Variants in PHEX observed in about 807,000 individuals in gnomAD.
The protein encoded by PHEX is phosphate-regulating neutral endopeptidase PHEX.
PHEX carries 16 observed loss-of-function variants against 68.0 expected under a neutral mutation model. The ratio of observed to expected loss-of-function variants is 0.24; its 90% CI spans 0.16 to 0.36. The LOEUF is 0.36. PHEX is among the 10% of genes least tolerant of loss of function. PHEX has a pLI of 1.00. For synonymous variants in PHEX, 208 were observed against 205.1 expected (o/e 1.01, Z -0.12); for missense variants, 480 against 575.5 (o/e 0.83, Z 1.70).
At chrX:22,098,090 T>A (rs1381836673) in intron 8 of PHEX, 1 of 99,868 alleles carries the variant, frequency 1.0e-5, no homozygotes, top group African/African-American at 5.1e-5. Flanking sequence ...TATTTCCTCT[T>A]GTGTTTTTTT....
chrX:22,092,223 T>C (rs1299801700), intron 6 of PHEX, among the ~76,000 whole-genome samples: 1 of 111,732 alleles, frequency 8.9e-6, no homozygotes, highest in Non-Finnish European at 1.9e-5. Flanking sequence ...GTCTTTAATG[T>C]TACAGTTCAT....
At chrX:22,068,428 T>A (rs1028910804) in intron 3 of PHEX, among the ~76,000 whole-genome samples, 1 of 112,045 alleles carries the variant, frequency 8.9e-6, no homozygotes, top group Non-Finnish European at 1.9e-5. Flanking sequence ...GAGAGATCTG[T>A]CAGGGAATTC....
chrX:22,032,934 C>T lies in PHEX; in HGVS notation c.-72C>T, dbSNP rs1926861134. On this transcript the variant is annotated 5_prime_UTR_variant, in exon 1 of 22. Transcript: ENST00000379374. ...AGCAAGAAAGCCTTGGATGTCAACG[C>T]CTCGCTCTTGAGACCAGCCACCAAA... 1 of 770,978 alleles carries T rather than the reference C, an allele frequency of 1.3e-6. No homozygotes were observed. Among genetic ancestry groups the T allele is most frequent in the Non-Finnish European group, 2.0e-6 (1 of 495,144 alleles). The allele number at this position is 770,978 out of a possible 1,213,427, so 63.5% of individuals were successfully genotyped here. A position where few individuals can be genotyped will look rare whatever the true frequency, so the allele number is the denominator to read the frequency against.
chrX:22,050,941 C>T (rs1296861875), intron 3 of PHEX, among the ~76,000 whole-genome samples: 1 of 112,015 alleles, frequency 8.9e-6, no homozygotes, highest in African/African-American at 3.2e-5. Flanking sequence ...TTTTGTTTCA[C>T]ACATTTGTCT....
chrX:22,232,396 G>A (rs906403118), intron 20 of PHEX, among the ~76,000 whole-genome samples: 16 of 109,656 alleles, frequency 1.5e-4, no homozygotes, highest in Non-Finnish European at 2.7e-4. Context: ...TTATTGTGTC[G>A]GAGTCTAAGT....
intron 17 of PHEX, among the ~76,000 whole-genome samples, chrX:22,220,600 C>T (rs1935238848): frequency 8.9e-6 from 1 of 112,056 alleles, no homozygotes; most frequent in Non-Finnish European, 1.9e-5. Flanking sequence ...GAGTCTTTCT[C>T]AAAGGACTGA....
chrX:22,108,427 T>A (rs1602301075), intron 9 of PHEX, among the ~76,000 whole-genome samples: 1 of 111,340 alleles, frequency 9.0e-6, no homozygotes, highest in East Asian at 2.8e-4. Context: ...ACTTGGGTGA[T>A]GGGTGCACTA....
intron 3 of PHEX, among the ~76,000 whole-genome samples, chrX:22,052,989 A>C (rs1210548171): frequency 9.0e-6 from 1 of 111,625 alleles, no homozygotes; most frequent in East Asian, 2.8e-4. Context: ...AAAAAAAGGA[A>C]TACCCATATC....
intron 15 of PHEX, among the ~76,000 whole-genome samples, chrX:22,191,158 T>C (rs929892639): frequency 1.2e-4 from 13 of 110,996 alleles, no homozygotes; most frequent in Non-Finnish European, 2.1e-4. Context: ...TAGCTAGGAG[T>C]ACAGGTGTGC....
At chrX:22,241,239 A>C (rs1444250894) in intron 20 of PHEX, among the ~76,000 whole-genome samples, 1 of 112,334 alleles carries the variant, frequency 8.9e-6, no homozygotes, top group Non-Finnish European at 1.9e-5. Flanking sequence ...GAGAACAAAG[A>C]CACAACGTAC....
intron 2 of PHEX, among the ~76,000 whole-genome samples, chrX:22,041,305 T>TA (rs1369103721): frequency 1.1e-5 from 1 of 90,138 alleles, no homozygotes; most frequent in African/African-American, 4.4e-5. Flanking sequence ...ATATATATTT[T>TA]AACCAGGCTG....
At chrX:22,240,393 A>G (rs930468243) in intron 20 of PHEX, among the ~76,000 whole-genome samples, 1 of 112,195 alleles carries the variant, frequency 8.9e-6, no homozygotes, top group Non-Finnish European at 1.9e-5. Context: ...AACAATATTG[A>G]CCTTAAATGT....
Position 22,133,392 on chromosome X carries a change from T to A in PHEX, c.1303-131T>A, listed in dbSNP as rs770106002. ...AAAGAAGTGTTGCCAGAGCATGGAGTCAAGCTGAAAGAACCCCTTACTTAC... is the reference window on the plus strand; with the variant it reads ...AAAGAAGTGTTGCCAGAGCATGGAGACAAGCTGAAAGAACCCCTTACTTAC... On this transcript the variant is annotated intron_variant, in intron 11 of 21. Coordinates refer to ENST00000379374, the MANE Select transcript of PHEX (RefSeq NM_000444.6). The A allele has an allele frequency of 1.9e-4, 100 of 514,439 alleles. 1 individual carries two copies. The African/African-American group carries it at 2.0e-3, about 10-fold the overall frequency. The allele number at this position is 514,439 out of a possible 1,213,427, so 42.4% of individuals were successfully genotyped here. A position where few individuals can be genotyped will look rare whatever the true frequency, so the allele number is the denominator to read the frequency against.
At chrX:22,101,359 G>A (rs193234143) in intron 9 of PHEX, among the ~76,000 whole-genome samples, 1 of 111,803 alleles carries the variant, frequency 8.9e-6, no homozygotes, top group Admixed American at 9.5e-5. Context: ...TTTTTTCATT[G>A]ATGATCGTGT....
intron 16 of PHEX, among the ~76,000 whole-genome samples, chrX:22,213,687 CT>C (rs1436911352): frequency 8.9e-6 from 1 of 111,885 alleles, no homozygotes; most frequent in Non-Finnish European, 1.9e-5. Flanking sequence ...CTATTATATA[CT>C]TTTTACTTTT....
At position 22,070,833 on chromosome X, in the gene PHEX, C is replaced by A. The variant is rs147953992; in HGVS notation, c.350-5555C>A. Among the ~76,000 whole-genome samples the A allele has an allele frequency of 4.5e-3, 507 of 112,239 alleles. 2 individuals carry two copies. The highest frequency in any genetic ancestry group is 7.0e-3 in the Non-Finnish European group (373 of 53,279). ...CCAAAGGAGGGTGTTTTTAAGTGTT[C>A]CTGTGCTCCTGAGCCACTTCATTCA... On this transcript the variant is annotated intron_variant, in intron 3 of 21. Coordinates refer to ENST00000379374, the MANE Select transcript of PHEX (RefSeq NM_000444.6).
At chrX:22,211,684 G>C (rs1276722144) in intron 15 of PHEX, among the ~76,000 whole-genome samples, 3 of 112,216 alleles carry the variant, frequency 2.7e-5, no homozygotes, top group African/African-American at 9.7e-5. Context: ...GAATCTATAG[G>C]TTATTGTATA....
At chrX:22,235,566 G>A (rs1287267249) in intron 20 of PHEX, among the ~76,000 whole-genome samples, 1 of 110,837 alleles carries the variant, frequency 9.0e-6, no homozygotes, top group East Asian at 2.9e-4. Context: ...TAGCTCTCTG[G>A]CCTCTTCTTA....
chrX:22,034,524 G>A (rs1227824524), intron 1 of PHEX, among the ~76,000 whole-genome samples: 1 of 112,207 alleles, frequency 8.9e-6, no homozygotes, highest in Non-Finnish European at 1.9e-5. Context: ...TGTTTTTAGA[G>A]CAAAGTAAAA....
Sources: gnomAD v4.1 joint callset for allele counts (sites outside exome capture counted in the v4.1 genomes callset) on GRCh38, gnomAD v4.1.1 for gene constraint, MANE v1.5 for transcripts, NCBI Gene and HGNC (gene_info 2026-07-23, HGNC 2026-07-21) for gene names.